The following AGO3 variants were observed in gnomAD, a reference collection of about 807,000 sequenced individuals.
AGO3 encodes the protein argonaute RISC catalytic component 3, also known as protein argonaute-3.
AGO3 carries 16 observed loss-of-function variants against 105.5 expected under a neutral mutation model. The ratio of observed to expected loss-of-function variants is 0.15; its 90% CI spans 0.10 to 0.23. AGO3 has a LOEUF of 0.23. Among genes scored for constraint, AGO3 ranks in the 10% least tolerant of loss-of-function variants. AGO3 has a pLI of 1.00. For synonymous variants in AGO3, 340 were observed against 367.3 expected, an observed-to-expected ratio of 0.93 and a Z score of 0.85; for missense variants, 534 against 1,088.0, an observed-to-expected ratio of 0.49 and a Z score of 7.16.
At position 36,013,906 on chromosome 1, in the gene AGO3, CT is replaced by C. The variant is rs756473521; in HGVS notation, c.1273-8del. ...TTTTTCACCATGTTATTTTTTTCTC[CT>C]CGTGTAGAATCGGACAGTAGCAACA... is the stretch of plus-strand genomic sequence containing the variant. On this transcript the variant is annotated splice_polypyrimidine_tract_variant and splice_region_variant and intron_variant, in intron 10 of 18. Coordinates refer to ENST00000373191, the MANE Select transcript of AGO3 (RefSeq NM_024852.4). The C allele has an allele frequency of 6.2e-7, 1 of 1,603,910 alleles. No homozygotes were observed. The highest frequency in any genetic ancestry group is 1.1e-5 in the South Asian group (1 of 88,756).
chr1:36,055,210 A>T lies in AGO3; in HGVS notation c.2474+65A>T. 6.7e-7 allele frequency: 1 copy of T among 1,502,872 alleles called. No homozygotes were observed. Among genetic ancestry groups the T allele is most frequent in the South Asian group, 1.2e-5 (1 of 82,640 alleles). 93.1% of individuals were successfully genotyped at this position (1,502,872 alleles called of 1,614,324 possible). ...TATTGTCTGCATGGTAGGATTTTCA[A>T]GTTCCACAAGCTATTAGCGGAGTCA... On this transcript the variant is annotated intron_variant, in intron 18 of 18. Coordinates refer to ENST00000373191, the MANE Select transcript of AGO3 (RefSeq NM_024852.4). The surrounding 1 kb of genome is among the most constrained non-coding windows in gnomAD (Gnocchi z 4.4).
intron 5 of AGO3, among the ~76,000 whole-genome samples, chr1:36,002,745 A>C (rs74224931): frequency 0.088 from 13,430 of 152,076 alleles, 2,036 homozygotes; most frequent in East Asian, 0.67. Context: ...GGAACATTTT[A>C]TGGAGGACAT....
intron 2 of AGO3, among the ~76,000 whole-genome samples, chr1:35,950,999 C>T (rs922978234): frequency 6.6e-6 from 1 of 152,070 alleles, no homozygotes; most frequent in African/African-American, 2.4e-5. Context: ...CTCTGTTGCC[C>T]AGGCTGGAGT....
intron 17 of AGO3, among the ~76,000 whole-genome samples, chr1:36,046,502 G>C (rs1166666622): frequency 6.6e-6 from 1 of 151,470 alleles, no homozygotes; most frequent in Non-Finnish European, 1.5e-5. Flanking sequence ...GAACAGCCTG[G>C]CCAACATGGT....
rs944391989 is a variant in AGO3 at position 36,072,215 on chromosome 1, A to G, written c.*16470A>G. 1 of 152,216 alleles carries G rather than the reference A, an allele frequency of 6.6e-6. No homozygotes were observed. Among genetic ancestry groups the G allele is most frequent in the Non-Finnish European group, 1.5e-5 (1 of 68,044 alleles). The allele number at this position is 152,216 out of a possible 1,614,324, so 9.4% of individuals were successfully genotyped here. On this transcript the variant is annotated 3_prime_UTR_variant, in exon 19 of 19. Transcript: ENST00000373191. ...AGAAGCTGGTTTTTAAGCAGCTCAT[A>G]TAATATTTTGTGTTAAAGAAAGTGT...
rs74712873 is a variant in AGO3, at chr1:35,933,499, G to A, written c.19+2054G>A. On this transcript the variant is annotated intron_variant, in intron 1 of 18. Transcript: ENST00000373191. ...TCTACAAAAAACAGAAAACTTAGCCGAGAATTGTGGCACATGTCTCCAGTC... is the reference window on the plus strand; with the variant it reads ...TCTACAAAAAACAGAAAACTTAGCCAAGAATTGTGGCACATGTCTCCAGTC... Among the ~76,000 whole-genome samples, 1,079 of 151,916 alleles carry A rather than the reference G, an allele frequency of 7.1e-3. 10 individuals are homozygous for A. The highest frequency in any genetic ancestry group is 0.025 in the African/African-American group (1,020 of 41,418).
intron 2 of AGO3, 63 bp from the exon 3 acceptor site, chr1:35,966,892 T>C (rs1043201061): frequency 4.1e-5 from 62 of 1,511,402 alleles, no homozygotes; most frequent in Non-Finnish European, 5.2e-5. Flanking sequence ...AAATTACTTC[T>C]GTTAATATTT....
rs745832987 is a variant in AGO3 at position 36,008,857 on chromosome 1, A to G, written c.882-40A>G. 1.2e-6 allele frequency: 2 copies of G among 1,614,028 alleles called. No homozygotes were observed. The highest frequency in any genetic ancestry group is 1.1e-5 in the South Asian group (1 of 91,072). ...GGGGTTGGGAGTTTTTCTGGCTCAT[A>G]ATGGGCAAGAATTGTTCATGTGTAC... On this transcript the variant is annotated intron_variant, in intron 7 of 18. Coordinates refer to ENST00000373191, the MANE Select transcript of AGO3 (RefSeq NM_024852.4). The surrounding 1 kb of genome is among the most constrained non-coding windows in gnomAD (Gnocchi z 5.1).
At chr1:36,009,852 T>C (rs1272401117) in intron 9 of AGO3, among the ~76,000 whole-genome samples, 3 of 152,072 alleles carry the variant, frequency 2.0e-5, no homozygotes, top group Non-Finnish European at 4.4e-5. Flanking sequence ...TGTTTCCATT[T>C]AGTAAACTGG....
In AGO3 at chr1:35,931,193, T is replaced by G. The variant is rs1646038113; in HGVS notation, c.-234T>G. 2.5e-6 allele frequency: 1 copy of G among 399,812 alleles called. No homozygotes were observed. Among genetic ancestry groups the G allele is most frequent in the Non-Finnish European group, 4.4e-6 (1 of 226,066 alleles). The allele number at this position is 399,812 out of a possible 1,614,324, so 24.8% of individuals were successfully genotyped here. A position where few individuals can be genotyped will look rare whatever the true frequency, so the allele number is the denominator to read the frequency against. On this transcript the variant is annotated 5_prime_UTR_variant, in exon 1 of 19. Coordinates refer to ENST00000373191, the MANE Select transcript of AGO3 (RefSeq NM_024852.4). ...GCAACTTCCGGACGGGACTCCCCTCTGTCCGCGCCTCACATCTCCCCTTCC... is the reference window on the plus strand; with the variant it reads ...GCAACTTCCGGACGGGACTCCCCTCGGTCCGCGCCTCACATCTCCCCTTCC...
intron 2 of AGO3, among the ~76,000 whole-genome samples, chr1:35,962,341 A>C (rs1340442704): frequency 6.6e-6 from 1 of 152,146 alleles, no homozygotes; most frequent in African/African-American, 2.4e-5. Flanking sequence ...CAGGAGATCG[A>C]GACCATCCTG....
At chr1:36,035,673 TTAA>T (rs1641969230) in intron 13 of AGO3, among the ~76,000 whole-genome samples, 1 of 152,170 alleles carries the variant, frequency 6.6e-6, no homozygotes, top group Non-Finnish European at 1.5e-5. Flanking sequence ...CTAGCATCTG[TTAA>T]TATTAATACA....
At chr1:36,045,520 C>T (rs1642428208) in intron 17 of AGO3, among the ~76,000 whole-genome samples, 1 of 151,152 alleles carries the variant, frequency 6.6e-6, no homozygotes, top group African/African-American at 2.4e-5. Context: ...CCATGTCCGA[C>T]CTTTTTTTTT....
chr1:35,976,665 A>G (rs1311011317), intron 5 of AGO3, among the ~76,000 whole-genome samples: 1 of 152,134 alleles, frequency 6.6e-6, no homozygotes, highest in Non-Finnish European at 1.5e-5. Flanking sequence ...ATTTTGTCAG[A>G]TGCCTTTTCA....
rs556952800 is a variant in AGO3 at position 35,951,041 on chromosome 1, C to G, written c.191+5178C>G. Among the ~76,000 whole-genome samples the G allele has an allele frequency of 9.9e-5, 15 of 151,930 alleles. 1 individual carries two copies. The highest frequency in any genetic ancestry group is 8.3e-4 in the South Asian group (4 of 4,800). On this transcript the variant is annotated intron_variant, in intron 2 of 18. Coordinates refer to ENST00000373191, the MANE Select transcript of AGO3 (RefSeq NM_024852.4). ...GCACATTCTCAGCTCACTGCAACCTCCGCCTCCTGGGTTCAAGCAATTCTC... is the reference window on the plus strand; with the variant it reads ...GCACATTCTCAGCTCACTGCAACCTGCGCCTCCTGGGTTCAAGCAATTCTC...
chr1:36,015,785 A>T (rs1273536528), intron 11 of AGO3, among the ~76,000 whole-genome samples: 2 of 152,212 alleles, frequency 1.3e-5, no homozygotes, highest in African/African-American at 4.8e-5. Flanking sequence ...TGGATTTATT[A>T]CCATGGATAA....
At position 36,065,595 on chromosome 1, in the gene AGO3, A is replaced by T. The variant is rs1024829345; in HGVS notation, c.*9850A>T. On this transcript the variant is annotated 3_prime_UTR_variant, in exon 19 of 19. Transcript: ENST00000373191. ...TGCACTCCAGCCTGGCAACAGAGCA[A>T]GACTCCATCTCAAAACAAACATACA... 2.6e-5 allele frequency: 4 copies of T among 152,300 alleles called. No homozygotes were observed. The highest frequency in any genetic ancestry group is 9.7e-5 in the African/African-American group (4 of 41,434). The allele number at this position is 152,300 out of a possible 1,614,324, so 9.4% of individuals were successfully genotyped here.
intron 12 of AGO3, among the ~76,000 whole-genome samples, chr1:36,031,886 A>G (rs1052662693): frequency 7.2e-6 from 1 of 139,128 alleles, no homozygotes. Flanking sequence ...CATTGTTTGT[A>G]TATGTGTGTG....
chr1:35,973,390 G>A lies in AGO3; in HGVS notation c.537G>A (p.Gly179=), dbSNP rs756118563. The part of the protein sequence containing the change: ...HLPSMKYTPV[G]RSFFSAPEGY... ...ATTTTTGTAGATACACACCTGTGGG[G>A]CGTTCATTTTTCTCCGCTCCAGAAG... The change falls in exon 5 of 19, where the codon GGG becomes GGA. Residue 179 remains glycine, a synonymous_variant. Coordinates refer to ENST00000373191, the MANE Select transcript of AGO3 (RefSeq NM_024852.4). 5.0e-5 allele frequency: 79 copies of A among 1,579,198 alleles called. No homozygotes were observed. The highest frequency in any genetic ancestry group is 6.7e-5 in the Non-Finnish European group (78 of 1,159,060).
Sources: allele counts gnomAD v4.1 joint callset (sites outside exome capture counted in the v4.1 genomes callset), GRCh38; gene constraint gnomAD v4.1.1; non-coding constraint Gnocchi (gnomAD v3.1); transcripts MANE v1.5; gene names NCBI Gene and HGNC (gene_info 2026-07-23, HGNC 2026-07-21).